JAKMIP1: variants seen among roughly 807,000 people sequenced by gnomAD.
The protein encoded by JAKMIP1 is janus kinase and microtubule-interacting protein 1.
JAKMIP1 carries 33 observed loss-of-function variants against 113.0 expected under a neutral mutation model. The observed-to-expected ratio is 0.29, with a 90% CI of 0.22 to 0.39. The LOEUF is 0.39. Ranked by LOEUF, JAKMIP1 falls within the 10% of genes least tolerant of loss-of-function variation. The pLI is 1.00. For synonymous variants in JAKMIP1, 480 were observed against 459.9 expected (o/e 1.04, Z -0.56); for missense variants, 813 against 1,080.5 (o/e 0.75, Z 3.47).
chr4:6,105,544 C>T lies in JAKMIP1; in HGVS notation c.553G>A (p.Ala185Thr), dbSNP rs570283889. Residue 185 changes from alanine to threonine, a missense_variant, in exon 3 of 21, where the codon GCC (alanine) becomes ACC (threonine). Physicochemically the swap from Ala to Thr is moderately conservative, Grantham distance 58. Around this residue, in one of 2 missense-constraint regions of JAKMIP1, gnomAD observed 540 missense variants for 653.9 expected, o/e 0.83. Transcript: ENST00000409021. ...TCGTCTTGGTGCGCCTGGTAGGCGG[C>T]ACGCAGGTCGGCTGCCTTGGTCTTG... ...ADKTKAADLR[A>T]AYQAHQDEVH... The T allele has an allele frequency of 1.2e-6, 2 of 1,606,204 alleles. No homozygotes were observed. Among genetic ancestry groups the T allele is most frequent in the South Asian group, 1.1e-5 (1 of 89,510 alleles).
chr4:6,186,291 G>C lies in JAKMIP1; in HGVS notation c.-148+13962C>G, dbSNP rs537961689. On this transcript the variant is annotated intron_variant, in intron 1 of 20. Transcript: ENST00000409021. This position sits in a 1 kb window ranked among gnomAD's most constrained non-coding sequence, Gnocchi z 5.5. ...AGGAATGGGCATTCCAGGAAAGTGG[G>C]ATGGTGAGCAAAAGCATGGAAGTTG... Among the ~76,000 whole-genome samples the C allele has an allele frequency of 9.2e-5, 14 of 152,336 alleles. No individual in the cohort carries two copies. Among genetic ancestry groups the C allele is most frequent in the African/African-American group, 3.4e-4 (14 of 41,580 alleles).
chr4:6,034,631 G>A (rs868563680), intron 19 of JAKMIP1, among the ~76,000 whole-genome samples: 17 of 152,234 alleles, frequency 1.1e-4, no homozygotes, highest in East Asian at 3.9e-4. Flanking sequence ...GAGAAACGCC[G>A]TCTCTACTAA....
In JAKMIP1 at chr4:6,059,743, C is replaced by A. The variant is rs1241870637; in HGVS notation, c.1644+681G>T. Among the ~76,000 whole-genome samples the A allele has an allele frequency of 6.6e-6, 1 of 152,044 alleles. No homozygotes were observed. The highest frequency in any genetic ancestry group is 1.9e-4 in the East Asian group (1 of 5,174). ...ACAGAATACACCTTGTCACATGGAG[C>A]CAGGGAGACGTTCAGGTTATGTCAC... is the stretch of plus-strand genomic sequence containing the variant. On this transcript the variant is annotated intron_variant, in intron 11 of 20. Transcript: ENST00000409021. This position sits in a 1 kb window ranked among gnomAD's most constrained non-coding sequence, Gnocchi z 4.8.
rs1713869819 is a variant in JAKMIP1, at chr4:6,105,953, G to A, written c.144C>T (p.Arg48=). ...CCAGCTTCGCCTCCTGCAGCCGCTCGCGCAGTTTGCCCACCTGCAGCCAGA... is the reference window on the plus strand; with the variant it reads ...CCAGCTTCGCCTCCTGCAGCCGCTCACGCAGTTTGCCCACCTGCAGCCAGA... ...QQEKSKVGKL[R]ERLQEAKLER... The change falls in exon 3 of 21, where the codon CGC becomes CGT. Residue 48 remains arginine, a synonymous_variant. Coordinates refer to ENST00000409021, the MANE Select transcript of JAKMIP1 (RefSeq NM_001099433.2). 3.8e-6 allele frequency: 6 copies of A among 1,597,080 alleles called. No individual in the cohort carries two copies. The highest frequency in any genetic ancestry group is 1.1e-5 in the South Asian group (1 of 89,576).
At chr4:6,038,973 C>T (rs747963999) in intron 18 of JAKMIP1, among the ~76,000 whole-genome samples, 14 of 152,256 alleles carry the variant, frequency 9.2e-5, no homozygotes, top group Admixed American at 3.9e-4. Context: ...CCAGCATGGA[C>T]ACATGGCCCT....
intron 1 of JAKMIP1, among the ~76,000 whole-genome samples, chr4:6,148,408 C>T (rs1209204563): frequency 6.6e-6 from 1 of 152,280 alleles, no homozygotes; most frequent in African/African-American, 2.4e-5. Context: ...CTTCAAGCCT[C>T]AGCCTCAGGG....
chr4:6,090,233 G>A (rs561032641), intron 3 of JAKMIP1, among the ~76,000 whole-genome samples: 4 of 150,250 alleles, frequency 2.7e-5, no homozygotes, highest in African/African-American at 1.0e-4. Context: ...AAAAAAAAAA[G>A]AAGAAAAAGA....
chr4:6,090,792 A>C (rs1721951077), intron 3 of JAKMIP1, among the ~76,000 whole-genome samples: 1 of 148,028 alleles, frequency 6.8e-6, no homozygotes, highest in Non-Finnish European at 1.5e-5. Flanking sequence ...CTTAAACTAG[A>C]GTGTCACTCC....
Position 6,065,958 on chromosome 4 carries a change from G to A in JAKMIP1, c.1303-950C>T, listed in dbSNP as rs1372835647. On this transcript the variant is annotated intron_variant, in intron 8 of 20. Coordinates refer to ENST00000409021, the MANE Select transcript of JAKMIP1 (RefSeq NM_001099433.2). The surrounding 1 kb of genome is among the most constrained non-coding windows in gnomAD (Gnocchi z 5.1). Reference sequence around the variant, plus strand: ...TACAGACCTCAACCCACAATCACCAGATCAATGTCTCTTATTTTAGGAACA... The same window carrying A: ...TACAGACCTCAACCCACAATCACCAAATCAATGTCTCTTATTTTAGGAACA... 1.3e-5 allele frequency among the ~76,000 whole-genome samples: 2 copies of A among 152,154 alleles called. No individual in the cohort carries two copies. The highest frequency in any genetic ancestry group is 2.9e-5 in the Non-Finnish European group (2 of 68,020).
At chr4:6,123,356 C>T (rs534383642) in intron 1 of JAKMIP1, among the ~76,000 whole-genome samples, 3 of 152,150 alleles carry the variant, frequency 2.0e-5, no homozygotes, top group South Asian at 2.1e-4. Flanking sequence ...CTTCCAGCCC[C>T]GGGGCCTAAG....
At chr4:6,102,044 C>G (rs1713132041) in intron 3 of JAKMIP1, among the ~76,000 whole-genome samples, 2 of 152,262 alleles carry the variant, frequency 1.3e-5, no homozygotes, top group South Asian at 4.2e-4. Flanking sequence ...ATTTAGATCT[C>G]CTTAAGTTTT....
At chr4:6,074,929 T>G (rs1578161486) in intron 8 of JAKMIP1, among the ~76,000 whole-genome samples, 1 of 152,234 alleles carries the variant, frequency 6.6e-6, no homozygotes, top group East Asian at 1.9e-4. Flanking sequence ...CCTAGGTGTG[T>G]AGGAGGCTAG....
In JAKMIP1 at chr4:6,056,623, C is replaced by T; in HGVS notation, c.1707+74G>A. ...TGCCCAAATGGCGCTGGGCACGACC[C>T]GTGTAGTCTGAGCAGGCCCGCGGGG... On this transcript the variant is annotated intron_variant, in intron 12 of 20. Coordinates refer to ENST00000409021, the MANE Select transcript of JAKMIP1 (RefSeq NM_001099433.2). 1.1e-5 allele frequency: 13 copies of T among 1,151,486 alleles called. No homozygotes were observed. The South Asian group carries it at 1.2e-4, about 11-fold the overall frequency. 71.3% of individuals were successfully genotyped at this position (1,151,486 alleles called of 1,614,324 possible).
At chr4:6,041,271 A>G (rs370084301) in intron 17 of JAKMIP1, among the ~76,000 whole-genome samples, 2 of 152,164 alleles carry the variant, frequency 1.3e-5, no homozygotes, top group South Asian at 2.1e-4. Context: ...CATCTCCTGT[A>G]GCCACTTCCT....
In JAKMIP1 at chr4:6,157,925, C is replaced by A. The variant is rs1232305433; in HGVS notation, c.-148+42328G>T. On this transcript the variant is annotated intron_variant, in intron 1 of 20. Coordinates refer to ENST00000409021, the MANE Select transcript of JAKMIP1 (RefSeq NM_001099433.2). This position sits in a 1 kb window ranked among gnomAD's most constrained non-coding sequence, Gnocchi z 4.7. Reference sequence around the variant, plus strand: ...GGTGTCTTGCTTTGCATCAGCAGCACTAACTCCTGATGCAACAGCTTTCTT... The same window carrying A: ...GGTGTCTTGCTTTGCATCAGCAGCAATAACTCCTGATGCAACAGCTTTCTT... Among the ~76,000 whole-genome samples the A allele has an allele frequency of 1.3e-5, 2 of 152,280 alleles. No homozygotes were observed. Among genetic ancestry groups the A allele is most frequent in the Non-Finnish European group, 1.5e-5 (1 of 68,044 alleles).
chr4:6,148,139 T>C (rs984201923), intron 1 of JAKMIP1, among the ~76,000 whole-genome samples: 8 of 152,360 alleles, frequency 5.3e-5, no homozygotes, highest in African/African-American at 1.9e-4. Flanking sequence ...AGCAGCTTTC[T>C]GAAGATGTCC....
At chr4:6,111,322 C>A (rs1714903129) in intron 2 of JAKMIP1, among the ~76,000 whole-genome samples, 2 of 152,296 alleles carry the variant, frequency 1.3e-5, no homozygotes, top group South Asian at 4.1e-4. Context: ...TTCAACTGCT[C>A]GAGCCACCCA....
rs1363585436 is a variant in JAKMIP1, at chr4:6,183,327, A to G, written c.-148+16926T>C. Among the ~76,000 whole-genome samples, 1 of 151,692 alleles carries G rather than the reference A, an allele frequency of 6.6e-6. No individual in the cohort carries two copies. Among genetic ancestry groups the G allele is most frequent in the Non-Finnish European group, 1.5e-5 (1 of 67,950 alleles). Reference sequence around the variant, plus strand: ...AACTCCGTCTGTACTAAAAATACAAAAATTAGCCGGGCTTGGTGGCGGGTG... The same window carrying G: ...AACTCCGTCTGTACTAAAAATACAAGAATTAGCCGGGCTTGGTGGCGGGTG... On this transcript the variant is annotated intron_variant, in intron 1 of 20. Coordinates refer to ENST00000409021, the MANE Select transcript of JAKMIP1 (RefSeq NM_001099433.2). The surrounding 1 kb of genome is among the most constrained non-coding windows in gnomAD (Gnocchi z 5.3).
At chr4:6,055,268 A>G (rs2108774011) in intron 12 of JAKMIP1, among the ~76,000 whole-genome samples, 1 of 152,274 alleles carries the variant, frequency 6.6e-6, no homozygotes, top group African/African-American at 2.4e-5. Flanking sequence ...GGGACTGCAC[A>G]TGGGCAGGAG....
Sources: gnomAD v4.1 joint callset for allele counts (sites outside exome capture counted in the v4.1 genomes callset) on GRCh38, gnomAD v4.1.1 for gene constraint, gnomAD v4.1.1 regional missense constraint, Gnocchi (gnomAD v3.1) non-coding constraint, MANE v1.5 for transcripts, NCBI Gene and HGNC (gene_info 2026-07-23, HGNC 2026-07-21) for gene names.